The following JAK2 variants were observed in gnomAD, a reference collection of about 807,000 sequenced individuals.
JAK2 encodes the protein Janus kinase 2.
A neutral mutation model predicts 139.3 loss-of-function variants in JAK2; 86 were observed. The observed-to-expected ratio is 0.62, with a 90% CI of 0.52 to 0.74. The LOEUF is 0.74. Among genes scored for constraint, JAK2 ranks in the 30% least tolerant of loss-of-function variants. The pLI is 0.00. For synonymous variants in JAK2, 490 were observed against 437.7 expected, an observed-to-expected ratio of 1.12 and a Z score of -1.49; for missense variants, 1,421 against 1,360.3, an observed-to-expected ratio of 1.04 and a Z score of -0.70.
chr9:5,031,641 T>G lies in JAK2; in HGVS notation c.350+1735T>G, dbSNP rs567473505. On this transcript the variant is annotated intron_variant, in intron 4 of 24. Transcript: ENST00000381652. ...AAACTATAAAAGTCTGAATTGGAAC[T>G]GAATTCAAGTCCTTGGGAAAATACC... Among the ~76,000 whole-genome samples, 8 of 152,346 alleles carry G rather than the reference T, an allele frequency of 5.3e-5. 1 individual carries two copies. In the South Asian group the frequency reaches 1.7e-3, roughly 32 times the overall value.
At chr9:5,074,306 C>T (rs1819167977) in intron 14 of JAK2, among the ~76,000 whole-genome samples, 1 of 152,014 alleles carries the variant, frequency 6.6e-6, no homozygotes, top group African/African-American at 2.4e-5. Context: ...TTTTATTGCA[C>T]CTTGCTTTAT....
Position 5,128,822 on chromosome 9 carries a change from A to G in JAK2, c.*2031A>G, listed in dbSNP as rs1218260851. Among the ~76,000 whole-genome samples, 1 of 152,062 alleles carries G rather than the reference A, an allele frequency of 6.6e-6. No homozygotes were observed. Among genetic ancestry groups the G allele is most frequent in the Non-Finnish European group, 1.5e-5 (1 of 67,882 alleles). On this transcript the variant is annotated 3_prime_UTR_variant, in exon 25 of 25. Transcript: ENST00000381652. Reference sequence around the variant, plus strand: ...AGTTGGTTCTGTACAAGAAACAGGTAAGTAATTATTGTACCAGTTAATGCC... The same window carrying G: ...AGTTGGTTCTGTACAAGAAACAGGTGAGTAATTATTGTACCAGTTAATGCC...
chr9:5,004,256 G>A (rs974687516), intron 2 of JAK2, among the ~76,000 whole-genome samples: 16 of 152,000 alleles, frequency 1.1e-4, no homozygotes, highest in Non-Finnish European at 1.8e-4. Flanking sequence ...CAGAAATTTC[G>A]TATCCTTTGA....
rs1563961067 is a variant in JAK2, at chr9:5,054,820, C to G, written c.872C>G (p.Thr291Ser). 10 of 1,612,330 alleles carry G rather than the reference C, an allele frequency of 6.2e-6. No individual in the cohort carries two copies. Among genetic ancestry groups the G allele is most frequent in the Admixed American group, 1.7e-5 (1 of 59,722 alleles). Residue 291 changes from threonine to serine, a missense_variant, in exon 7 of 25, where the codon ACT becomes AGT. Physicochemically the swap from Thr to Ser is moderately conservative, Grantham distance 58. Transcript: ENST00000381652. This position sits in a 1 kb window ranked among gnomAD's most constrained non-coding sequence, Gnocchi z 4.9. ...GEEIFATIII[T>S]GNGGIQWSRG... ...GAGATTTTTGCAACCATTATAATAACTGGAAACGGTGGAATTCAGTGGTCA... is the reference window on the plus strand; with the variant it reads ...GAGATTTTTGCAACCATTATAATAAGTGGAAACGGTGGAATTCAGTGGTCA...
rs1025116838 is a variant in JAK2, at chr9:5,127,819, G to C, written c.*1028G>C. The C allele has an allele frequency of 1.3e-5, 3 of 232,570 alleles. No homozygotes were observed. Among genetic ancestry groups the C allele is most frequent in the East Asian group, 6.0e-5 (1 of 16,568 alleles). 14.4% of individuals were successfully genotyped at this position (232,570 alleles called of 1,614,324 possible). A position where few individuals can be genotyped will look rare whatever the true frequency, so the allele number is the denominator to read the frequency against. ...ATTTTTTCCTAAAGACTGTATATTT[G>C]AGGGGTTTCAGAATTTTGCATTGCA... On this transcript the variant is annotated 3_prime_UTR_variant, in exon 25 of 25. Transcript: ENST00000381652.
At chr9:5,004,863 G>A (rs2129883498) in intron 2 of JAK2, among the ~76,000 whole-genome samples, 1 of 150,796 alleles carries the variant, frequency 6.6e-6, no homozygotes, top group East Asian at 1.9e-4. Context: ...GTTTTAATTT[G>A]CATTTAGTGA....
At chr9:5,056,008 T>C (rs966401817) in intron 8 of JAK2, among the ~76,000 whole-genome samples, 2 of 152,060 alleles carry the variant, frequency 1.3e-5, no homozygotes, top group Admixed American at 1.3e-4. Flanking sequence ...TACTGTACTT[T>C]TTTTACTCAT....
chr9:5,089,677 A>C lies in JAK2; in HGVS notation c.2575A>C (p.Asn859His). The stretch of plus-strand genomic sequence containing the variant: ...CCTAATGTGATGTGTCATTTAGGGT[A>C]ATTTTGGGAGTGTGGAGATGTGCCG... ...LKFLQQLGKG[N>H]FGSVEMCRYD... The change falls in exon 20 of 25, where the codon AAT becomes CAT. Residue 859 changes from asparagine (N) to histidine (H), a missense_variant. By Grantham distance (68) the Asn-to-His change is moderately conservative. Coordinates refer to ENST00000381652, the MANE Select transcript of JAK2 (RefSeq NM_004972.4). The C allele has an allele frequency of 7.3e-7, 1 of 1,360,544 alleles. No individual in the cohort carries two copies. The highest frequency in any genetic ancestry group is 9.6e-7 in the Non-Finnish European group (1 of 1,046,664). 84.3% of individuals were successfully genotyped at this position (1,360,544 alleles called of 1,614,324 possible).
intron 22 of JAK2, among the ~76,000 whole-genome samples, chr9:5,093,080 G>A (rs763367633): frequency 1.2e-4 from 18 of 152,094 alleles, no homozygotes; most frequent in Non-Finnish European, 2.4e-4. Context: ...TTTAATAGAA[G>A]CAATAATGTT....
intron 5 of JAK2, among the ~76,000 whole-genome samples, chr9:5,049,277 C>T (rs1817247853): frequency 6.6e-6 from 1 of 152,180 alleles, no homozygotes; most frequent in Non-Finnish European, 1.5e-5. Flanking sequence ...TCCATAGTTT[C>T]TAGGATCAGG....
intron 2 of JAK2, among the ~76,000 whole-genome samples, chr9:5,009,981 G>A (rs1027147623): frequency 3.9e-5 from 6 of 152,070 alleles, no homozygotes; most frequent in Admixed American, 1.3e-4. Context: ...CAATGTTGCC[G>A]GGGCTAGTCT....
At chr9:5,041,246 G>A in intron 4 of JAK2, 2 of 1,455,600 alleles carry the variant, frequency 1.4e-6, no homozygotes. Flanking sequence ...GCGGCAGCAC[G>A]CCATCCACAT....
Position 5,029,862 on chromosome 9 carries a change from C to T in JAK2, c.306C>T (p.Phe102=). 6.2e-7 allele frequency: 1 copy of T among 1,612,390 alleles called. No homozygotes were observed. Among genetic ancestry groups the T allele is most frequent in the South Asian group, 1.1e-5 (1 of 90,940 alleles). The change falls in exon 4 of 25, where the codon TTC becomes TTT. Residue 102 remains phenylalanine, a synonymous_variant. Transcript: ENST00000381652. ...ERIWYPPNHV[F]HIDESTRHNV... is the part of the protein sequence containing the mutation. The stretch of plus-strand genomic sequence containing the variant: ...TCTGGTATCCACCCAACCATGTCTT[C>T]CATATAGATGAGTCAACCAGGCATA...
In JAK2 at chr9:5,044,249, T is replaced by C. The variant is rs145907757; in HGVS notation, c.351-154T>C. On this transcript the variant is annotated intron_variant, in intron 4 of 24. Coordinates refer to ENST00000381652, the MANE Select transcript of JAK2 (RefSeq NM_004972.4). ...TCTGCCTATATTAGTGTTATCCACA[T>C]ATCCTTTTGTCTCACATTTATATTT... is the stretch of plus-strand genomic sequence containing the variant. 7.6e-4 allele frequency among the ~76,000 whole-genome samples: 116 copies of C among 152,384 alleles called. 1 individual carries two copies. In the East Asian group the frequency reaches 0.015, roughly 19 times the overall value.
intron 14 of JAK2, among the ~76,000 whole-genome samples, chr9:5,075,377 T>A (rs1819241090): frequency 6.6e-6 from 1 of 152,198 alleles, no homozygotes; most frequent in Non-Finnish European, 1.5e-5. Context: ...AGTCAGTGCT[T>A]GCCTTCAAAG....
chr9:5,126,407 T>C lies in JAK2; in HGVS notation c.3252T>C (p.Asn1084=), dbSNP rs140219534. 1.3e-4 allele frequency: 210 copies of C among 1,610,894 alleles called. No individual in the cohort carries two copies. In the East Asian group the frequency reaches 3.8e-3, roughly 29 times the overall value. ...TCCATTTGATAGAACTTTTGAAGAA[T>C]AATGGAAGATTACCAAGACCAGATG... is the stretch of plus-strand genomic sequence containing the variant. The part of the protein sequence containing the change: ...IVFHLIELLK[N]NGRLPRPDGC... The change falls in exon 24 of 25, where the codon AAT becomes AAC. Residue 1084 remains asparagine (N), a synonymous_variant. Transcript: ENST00000381652.
chr9:5,098,015 A>G (rs1450059446), intron 22 of JAK2: 3 of 152,182 alleles, frequency 2.0e-5, no homozygotes, highest in African/African-American at 4.8e-5. Flanking sequence ...ATGAAATATT[A>G]TCTCATCCTT....
Position 5,072,476 on chromosome 9 carries a change from C to T in JAK2, c.1642-16C>T. On this transcript the variant is annotated splice_polypyrimidine_tract_variant and intron_variant, in intron 12 of 24. Coordinates refer to ENST00000381652, the MANE Select transcript of JAK2 (RefSeq NM_004972.4). ...CATCTTTACTCATTCTTTTCTTTTA[C>T]CTTTTTCTCTTGAAGAATGAAAGCC... The T allele has an allele frequency of 6.6e-7, 1 of 1,507,752 alleles. No homozygotes were observed. The highest frequency in any genetic ancestry group is 8.9e-7 in the Non-Finnish European group (1 of 1,122,614). 93.4% of individuals were successfully genotyped at this position (1,507,752 alleles called of 1,614,324 possible).
intron 22 of JAK2, among the ~76,000 whole-genome samples, chr9:5,104,936 A>T (rs1335579380): frequency 6.6e-6 from 1 of 152,190 alleles, no homozygotes; most frequent in African/African-American, 2.4e-5. Context: ...TTTATGACAA[A>T]CTCACAGCCA....
Sources: allele counts gnomAD v4.1 joint callset (sites outside exome capture counted in the v4.1 genomes callset), GRCh38; gene constraint gnomAD v4.1.1; non-coding constraint Gnocchi (gnomAD v3.1); transcripts MANE v1.5; gene names NCBI Gene and HGNC (gene_info 2026-07-23, HGNC 2026-07-21).